Variants in RAB6D observed in about 807,000 individuals in gnomAD.
The protein encoded by RAB6D is ras-related protein Rab-6D.
Under a neutral mutation model 17.5 loss-of-function variants are expected in RAB6D, and 11 were observed. The observed-to-expected ratio is 0.63, with a 90% CI of 0.39 to 1.04. The LOEUF is 1.04. RAB6D is among the 50% of genes least tolerant of loss of function. The pLI is 0.00. For synonymous variants in RAB6D, 68 were observed against 122.6 expected, an observed-to-expected ratio of 0.55 and a Z score of 2.94; for missense variants, 163 against 315.1, an observed-to-expected ratio of 0.52 and a Z score of 3.65.
rs2105214978 is a variant in RAB6D at position 131,362,641 on chromosome 2, CTTGT to C, written c.*311_*314del. 9.7e-6 allele frequency: 2 copies of C among 206,144 alleles called. No individual in the cohort carries two copies. Among genetic ancestry groups the C allele is most frequent in the East Asian group, 1.3e-4 (1 of 7,762 alleles). 12.8% of individuals were successfully genotyped at this position (206,144 alleles called of 1,614,324 possible). On this transcript the variant is annotated 3_prime_UTR_variant, in exon 1 of 1. Coordinates refer to ENST00000623617, the MANE Select transcript of RAB6D (RefSeq NM_001077637.3). ...TGGTCGGACTGCTGCTTTGCCATCT[CTTGT>C]TTGTTTTGAGGAAGTGGGGGGAGGC...
chr2:131,363,937 G>A lies in RAB6D; in HGVS notation c.-217C>T. On this transcript the variant is annotated 5_prime_UTR_variant, in exon 1 of 1. Coordinates refer to ENST00000623617, the MANE Select transcript of RAB6D (RefSeq NM_001077637.3). Reference sequence around the variant, plus strand: ...GCAGAGTAGCCGAGCACCGAGCGAGGCCCGCGGCTGGGAAGGGAAGGAGGG... The same window carrying A: ...GCAGAGTAGCCGAGCACCGAGCGAGACCCGCGGCTGGGAAGGGAAGGAGGG... 1.3e-6 allele frequency: 1 copy of A among 788,264 alleles called. No individual in the cohort carries two copies. The highest frequency in any genetic ancestry group is 2.0e-6 in the Non-Finnish European group (1 of 497,204). The allele number at this position is 788,264 out of a possible 1,614,324, so 48.8% of individuals were successfully genotyped here.
rs1703424777 is a variant in RAB6D at position 131,361,534 on chromosome 2, A to G, written c.*1422T>C. ...TTTTCTTCCTGCAAACAATGTATTT[A>G]CAAATGTGTTTATTAGCTTACACAG... On this transcript the variant is annotated 3_prime_UTR_variant, in exon 1 of 1. Coordinates refer to ENST00000623617, the MANE Select transcript of RAB6D (RefSeq NM_001077637.3). 6.0e-6 allele frequency: 1 copy of G among 167,114 alleles called. No individual in the cohort carries two copies. The highest frequency in any genetic ancestry group is 2.1e-4 in the South Asian group (1 of 4,834). 10.4% of individuals were successfully genotyped at this position (167,114 alleles called of 1,614,324 possible).
Position 131,364,095 on chromosome 2 carries a change from A to G in RAB6D, c.-375T>C. The G allele has an allele frequency of 9.7e-6, 1 of 102,598 alleles. No homozygotes were observed. The highest frequency in any genetic ancestry group is 2.3e-5 in the Non-Finnish European group (1 of 44,408). 6.4% of individuals were successfully genotyped at this position (102,598 alleles called of 1,614,324 possible). A position where few individuals can be genotyped will look rare whatever the true frequency, so the allele number is the denominator to read the frequency against. On this transcript the variant is annotated 5_prime_UTR_variant, in exon 1 of 1. Transcript: ENST00000623617. ...AGCCGGAACCGCAGACGTATCTGGG[A>G]TCTCTCACGCGCGGCGCTTCGGCTT...
Position 131,362,873 on chromosome 2 carries a change from G to A in RAB6D, c.*83C>T, listed in dbSNP as rs1476973966. 5.3e-6 allele frequency: 8 copies of A among 1,520,194 alleles called. No individual in the cohort carries two copies. Among genetic ancestry groups the A allele is most frequent in the African/African-American group, 2.8e-5 (2 of 71,572 alleles). The allele number at this position is 1,520,194 out of a possible 1,614,324, so 94.2% of individuals were successfully genotyped here. On this transcript the variant is annotated 3_prime_UTR_variant, in exon 1 of 1. Coordinates refer to ENST00000623617, the MANE Select transcript of RAB6D (RefSeq NM_001077637.3). ...GTATCTAATTTTTAAAGTTATCACT[G>A]GAATACGCTGAAATAGTTTGGCTTT...
rs71428567 is a variant in RAB6D, at chr2:131,362,872, T to C, written c.*84A>G. The C allele has an allele frequency of 5.3e-5, 81 of 1,518,444 alleles. No individual in the cohort carries two copies. The highest frequency in any genetic ancestry group is 3.6e-4 in the East Asian group (16 of 44,130). The allele number at this position is 1,518,444 out of a possible 1,614,324, so 94.1% of individuals were successfully genotyped here. A position where few individuals can be genotyped will look rare whatever the true frequency, so the allele number is the denominator to read the frequency against. On this transcript the variant is annotated 3_prime_UTR_variant, in exon 1 of 1. Transcript: ENST00000623617. ...TGTATCTAATTTTTAAAGTTATCACTGGAATACGCTGAAATAGTTTGGCTT... is the reference window on the plus strand; with the variant it reads ...TGTATCTAATTTTTAAAGTTATCACCGGAATACGCTGAAATAGTTTGGCTT...
At position 131,361,031 on chromosome 2, in the gene RAB6D, C is replaced by T. The variant is rs1163831696; in HGVS notation, c.*1925G>A. The stretch of plus-strand genomic sequence containing the variant: ...TTTTTAAAAAATACATAAAAAGAAT[C>T]AAATGCAACAGTGTAGGAAGGCAAT... On this transcript the variant is annotated 3_prime_UTR_variant, in exon 1 of 1. Coordinates refer to ENST00000623617, the MANE Select transcript of RAB6D (RefSeq NM_001077637.3). 1 of 166,366 alleles carries T rather than the reference C, an allele frequency of 6.0e-6. No individual in the cohort carries two copies. The highest frequency in any genetic ancestry group is 1.5e-5 in the Non-Finnish European group (1 of 67,848). The allele number at this position is 166,366 out of a possible 1,614,324, so 10.3% of individuals were successfully genotyped here. A position where few individuals can be genotyped will look rare whatever the true frequency, so the allele number is the denominator to read the frequency against.
chr2:131,364,158 C>T lies in RAB6D; in HGVS notation c.-438G>A. ...CCGCCGCAGCCCAACCTGCTGAGTGCGCGAGCCTCTGGCGCGGGGCGAGCC... is the reference window on the plus strand; with the variant it reads ...CCGCCGCAGCCCAACCTGCTGAGTGTGCGAGCCTCTGGCGCGGGGCGAGCC... On this transcript the variant is annotated 5_prime_UTR_variant, in exon 1 of 1. Transcript: ENST00000623617. 1 of 213,326 alleles carries T rather than the reference C, an allele frequency of 4.7e-6. No homozygotes were observed. The highest frequency in any genetic ancestry group is 9.7e-6 in the Non-Finnish European group (1 of 103,376). 13.2% of individuals were successfully genotyped at this position (213,326 alleles called of 1,614,324 possible). A position where few individuals can be genotyped will look rare whatever the true frequency, so the allele number is the denominator to read the frequency against.
In RAB6D at chr2:131,361,498, A is replaced by G. The variant is rs988708737; in HGVS notation, c.*1458T>C. 1.8e-5 allele frequency: 3 copies of G among 167,112 alleles called. No individual in the cohort carries two copies. Among genetic ancestry groups the G allele is most frequent in the African/African-American group, 2.4e-5 (1 of 41,462 alleles). The allele number at this position is 167,112 out of a possible 1,614,324, so 10.4% of individuals were successfully genotyped here. Reference sequence around the variant, plus strand: ...AAATTCAGCAGGCTTTTCCTGACCTATAACTCGAAGTTTTCTTCCTGCAAA... The same window carrying G: ...AAATTCAGCAGGCTTTTCCTGACCTGTAACTCGAAGTTTTCTTCCTGCAAA... On this transcript the variant is annotated 3_prime_UTR_variant, in exon 1 of 1. Coordinates refer to ENST00000623617, the MANE Select transcript of RAB6D (RefSeq NM_001077637.3).
In RAB6D at chr2:131,364,113, T is replaced by TTCGGCTTCCCCAGCCGCCGCCACC; in HGVS notation, c.-394_-393insGGTGGCGGCGGCTGGGGAAGCCGA. 1 of 201,098 alleles carries TTCGGCTTCCCCAGCCGCCGCCACC rather than the reference T, an allele frequency of 5.0e-6. No individual in the cohort carries two copies. 12.5% of individuals were successfully genotyped at this position (201,098 alleles called of 1,614,324 possible). ...ATCTGGGATCTCTCACGCGCGGCGCTTCGGCTTCCCCAGCCGCCGCCGCCG... is the reference window on the plus strand; with the variant it reads ...ATCTGGGATCTCTCACGCGCGGCGCTTCGGCTTCCCCAGCCGCCGCCACCTCGGCTTCCCCAGCCGCCGCCGCCG... On this transcript the variant is annotated 5_prime_UTR_variant, in exon 1 of 1. Transcript: ENST00000623617.
In RAB6D at chr2:131,361,140, A is replaced by G. The variant is rs1305597735; in HGVS notation, c.*1816T>C. 4 of 167,124 alleles carry G rather than the reference A, an allele frequency of 2.4e-5. No homozygotes were observed. The highest frequency in any genetic ancestry group is 9.6e-5 in the African/African-American group (4 of 41,470). The allele number at this position is 167,124 out of a possible 1,614,324, so 10.4% of individuals were successfully genotyped here. A position where few individuals can be genotyped will look rare whatever the true frequency, so the allele number is the denominator to read the frequency against. Reference sequence around the variant, plus strand: ...AGTGAATCAATATTTATTTCAGGACATGCCATGTCAAAATAAAACAGAGTC... The same window carrying G: ...AGTGAATCAATATTTATTTCAGGACGTGCCATGTCAAAATAAAACAGAGTC... On this transcript the variant is annotated 3_prime_UTR_variant, in exon 1 of 1. Transcript: ENST00000623617.
chr2:131,360,558 A>G lies in RAB6D; in HGVS notation c.*2398T>C, dbSNP rs1369340854. ...CAATAGATTGTCTTAGGAAAAGAAA[A>G]AGACTTCCCATAAACTAGAAGAAAA... On this transcript the variant is annotated 3_prime_UTR_variant, in exon 1 of 1. Coordinates refer to ENST00000623617, the MANE Select transcript of RAB6D (RefSeq NM_001077637.3). 6.6e-6 allele frequency among the ~76,000 whole-genome samples: 1 copy of G among 152,204 alleles called. No individual in the cohort carries two copies. The highest frequency in any genetic ancestry group is 1.5e-5 in the Non-Finnish European group (1 of 68,032).
In RAB6D at chr2:131,361,579, G is replaced by A. The variant is rs1234210793; in HGVS notation, c.*1377C>T. On this transcript the variant is annotated 3_prime_UTR_variant, in exon 1 of 1. Transcript: ENST00000623617. ...ACACAGCAATCTCACAATAACTAGT[G>A]AAGATTAAAAGGGCACACTCCTAGT... 2.4e-5 allele frequency: 4 copies of A among 167,030 alleles called. No homozygotes were observed. Among genetic ancestry groups the A allele is most frequent in the African/African-American group, 9.6e-5 (4 of 41,496 alleles). 10.3% of individuals were successfully genotyped at this position (167,030 alleles called of 1,614,324 possible).
chr2:131,363,394 A>G lies in RAB6D; in HGVS notation c.327T>C (p.Asp109=), dbSNP rs1475089169. The change falls in exon 1 of 1, where the codon GAT becomes GAC. Residue 109 remains aspartate, a synonymous_variant. Transcript: ENST00000623617. ...CACTTCCTCCTTCTGTTCTGACATC[A>G]TCAATCCACTTTGTAGTTTGCTGGA... The part of the protein sequence containing the change: ...NSFQQTTKWI[D]DVRTEGGSDV... 2 of 1,613,600 alleles carry G rather than the reference A, an allele frequency of 1.2e-6. No homozygotes were observed. The highest frequency in any genetic ancestry group is 1.3e-5 in the African/African-American group (1 of 74,676).
rs545663552 is a variant in RAB6D, at chr2:131,362,704, G to A, written c.*252C>T. Reference sequence around the variant, plus strand: ...AACACGGAAATAGGGAACGGGGTAAGGGAGAGGTGAGAAGAGCAAGGAGAG... The same window carrying A: ...AACACGGAAATAGGGAACGGGGTAAAGGAGAGGTGAGAAGAGCAAGGAGAG... On this transcript the variant is annotated 3_prime_UTR_variant, in exon 1 of 1. Coordinates refer to ENST00000623617, the MANE Select transcript of RAB6D (RefSeq NM_001077637.3). 20 of 359,312 alleles carry A rather than the reference G, an allele frequency of 5.6e-5. No individual in the cohort carries two copies. Among genetic ancestry groups the A allele is most frequent in the African/African-American group, 3.4e-4 (16 of 47,326 alleles). The allele number at this position is 359,312 out of a possible 1,614,324, so 22.3% of individuals were successfully genotyped here.
rs1349908105 is a variant in RAB6D, at chr2:131,360,675, CATT to C, written c.*2278_*2280del. ...CAATTTAATGAACAAAGGATATAGA[CATT>C]ATACAAAATATGAAAACATGAATAG... On this transcript the variant is annotated 3_prime_UTR_variant, in exon 1 of 1. Coordinates refer to ENST00000623617, the MANE Select transcript of RAB6D (RefSeq NM_001077637.3). 2.6e-5 allele frequency among the ~76,000 whole-genome samples: 4 copies of C among 151,960 alleles called. No homozygotes were observed. The South Asian group carries it at 8.3e-4, about 31-fold the overall frequency.
Position 131,364,131 on chromosome 2 carries a change from C to CGCCGCCTCGGCTTCCCCAGCCGCT in RAB6D, c.-412_-411insAGCGGCTGGGGAAGCCGAGGCGGC. 1 of 229,804 alleles carries CGCCGCCTCGGCTTCCCCAGCCGCT rather than the reference C, an allele frequency of 4.4e-6. No homozygotes were observed. 14.2% of individuals were successfully genotyped at this position (229,804 alleles called of 1,614,324 possible). A position where few individuals can be genotyped will look rare whatever the true frequency, so the allele number is the denominator to read the frequency against. ...GCGGCGCTTCGGCTTCCCCAGCCGC[C>CGCCGCCTCGGCTTCCCCAGCCGCT]GCCGCCGCAGCCCAACCTGCTGAGT... On this transcript the variant is annotated 5_prime_UTR_variant, in exon 1 of 1. Coordinates refer to ENST00000623617, the MANE Select transcript of RAB6D (RefSeq NM_001077637.3).
chr2:131,361,369 G>A lies in RAB6D; in HGVS notation c.*1587C>T, dbSNP rs954363200. ...GGAAGAGGAAAGAGAGGGGACTAAG[G>A]TTCTCCCAGTTTAAGGTTTTGTTGC... On this transcript the variant is annotated 3_prime_UTR_variant, in exon 1 of 1. Coordinates refer to ENST00000623617, the MANE Select transcript of RAB6D (RefSeq NM_001077637.3). 1 of 167,024 alleles carries A rather than the reference G, an allele frequency of 6.0e-6. No homozygotes were observed. The highest frequency in any genetic ancestry group is 1.5e-5 in the Non-Finnish European group (1 of 68,096). 10.3% of individuals were successfully genotyped at this position (167,024 alleles called of 1,614,324 possible).
In RAB6D at chr2:131,362,028, G is replaced by A. The variant is rs1703431296; in HGVS notation, c.*928C>T. 1.2e-5 allele frequency: 2 copies of A among 167,130 alleles called. No individual in the cohort carries two copies. Among genetic ancestry groups the A allele is most frequent in the Admixed American group, 1.3e-4 (2 of 15,290 alleles). 10.4% of individuals were successfully genotyped at this position (167,130 alleles called of 1,614,324 possible). Reference sequence around the variant, plus strand: ...CTGCTGAGGGTTCTTTTGTTGGTAAGCTTTAGATATCGTTATTTCTGCTAA... The same window carrying A: ...CTGCTGAGGGTTCTTTTGTTGGTAAACTTTAGATATCGTTATTTCTGCTAA... On this transcript the variant is annotated 3_prime_UTR_variant, in exon 1 of 1. Transcript: ENST00000623617.
Position 131,362,661 on chromosome 2 carries a change from G to C in RAB6D, c.*295C>G, listed in dbSNP as rs567427235. 12 of 205,102 alleles carry C rather than the reference G, an allele frequency of 5.9e-5. No individual in the cohort carries two copies. The highest frequency in any genetic ancestry group is 3.8e-4 in the East Asian group (3 of 7,810). 12.7% of individuals were successfully genotyped at this position (205,102 alleles called of 1,614,324 possible). A position where few individuals can be genotyped will look rare whatever the true frequency, so the allele number is the denominator to read the frequency against. On this transcript the variant is annotated 3_prime_UTR_variant, in exon 1 of 1. Transcript: ENST00000623617. ...CATCTCTTGTTTGTTTTGAGGAAGT[G>C]GGGGGAGGCTAGGTAAGAACACGGA...
Sources: allele counts gnomAD v4.1 joint callset (sites outside exome capture counted in the v4.1 genomes callset), GRCh38; gene constraint gnomAD v4.1.1; transcripts MANE v1.5; gene names NCBI Gene and HGNC (gene_info 2026-07-23, HGNC 2026-07-21).